APLP1: variants seen among roughly 807,000 people sequenced by gnomAD.
The protein encoded by APLP1 is amyloid beta (A4) precursor-like protein 1.
In APLP1, 46 loss-of-function variants were observed where a neutral mutation model predicts 84.5. The observed-to-expected ratio is 0.54, with a 90% CI of 0.43 to 0.70. The LOEUF is 0.70. APLP1 is among the 30% of genes least tolerant of loss of function. APLP1 has a pLI of 0.00. For missense variants in APLP1, 826 were observed against 900.2 expected (o/e 0.92, Z 1.05); for synonymous variants, 376 against 364.0 (o/e 1.03, Z -0.38).
rs531166569 is a variant in APLP1, at chr19:35,879,392, G to A, written c.1907G>A (p.Arg636Gln). 4.1e-5 allele frequency: 66 copies of A among 1,613,926 alleles called. 1 individual carries two copies. In the South Asian group the frequency reaches 6.9e-4, roughly 17 times the overall value. The change falls in exon 17 of 17, where the codon CGG becomes CAG. Residue 636 changes from arginine (R) to glutamine (Q), a missense_variant. By Grantham distance (43) the Arg-to-Gln change is conservative (BLOSUM62 1). Transcript: ENST00000221891. The part of the protein sequence containing the change: ...LEEQQLRELQ[R>Q]HGYENPTYRF... ...GAGCAGCAGCTCCGCGAACTGCAGCGGCACGGCTATGAGAACCCCACTTAC... is the reference window on the plus strand; with the variant it reads ...GAGCAGCAGCTCCGCGAACTGCAGCAGCACGGCTATGAGAACCCCACTTAC...
chr19:35,869,561 G>C (rs749070917), intron 1 of APLP1, 106 bp from the exon 2 acceptor site: 6 of 1,457,386 alleles, frequency 4.1e-6, no homozygotes, highest in Non-Finnish European at 5.7e-6. Context: ...GCGGTGCTTG[G>C]GGGAGGGGGC....
In APLP1 at chr19:35,868,694, C is replaced by T; in HGVS notation, c.58C>T (p.Leu20=). The change falls in exon 1 of 17, where the codon CTG becomes TTG. Residue 20 remains leucine, a synonymous_variant. Coordinates refer to ENST00000221891, the MANE Select transcript of APLP1 (RefSeq NM_001024807.3). This position sits in a 1 kb window ranked among gnomAD's most constrained non-coding sequence, Gnocchi z 5.2. ...GLSRRPGQPP[L]PLLLPLLLLL... is the part of the protein sequence containing the mutation. ...AAGTCGCCGCCCGGGCCAGCCGCCGCTGCCGCTGCTGCTGCCACTATTGCT... is the reference window on the plus strand; with the variant it reads ...AAGTCGCCGCCCGGGCCAGCCGCCGTTGCCGCTGCTGCTGCCACTATTGCT... The T allele has an allele frequency of 7.1e-7, 1 of 1,414,550 alleles. No individual in the cohort carries two copies. 87.6% of individuals were successfully genotyped at this position (1,414,550 alleles called of 1,614,324 possible).
chr19:35,869,995 C>T (rs1044491389), intron 2 of APLP1, among the ~76,000 whole-genome samples, 185 bp downstream of exon 2: 2 of 150,912 alleles, frequency 1.3e-5, no homozygotes, highest in South Asian at 4.2e-4. Context: ...GGGAGAGCCG[C>T]GAGATAGCCA....
chr19:35,878,201 C>T, intron 13 of APLP1, 93 bp downstream of exon 13: 1 of 1,362,758 alleles, frequency 7.3e-7, no homozygotes, highest in Non-Finnish European at 1.0e-6. Flanking sequence ...ACCTCAGACC[C>T]CCTGGGGTAG....
Position 35,879,787 on chromosome 19 carries a change from C to T in APLP1, c.*346C>T, listed in dbSNP as rs557054406. 100 of 242,146 alleles carry T rather than the reference C, an allele frequency of 4.1e-4. No homozygotes were observed. The highest frequency in any genetic ancestry group is 7.0e-4 in the Non-Finnish European group (88 of 125,328). The allele number at this position is 242,146 out of a possible 1,614,324, so 15.0% of individuals were successfully genotyped here. A position where few individuals can be genotyped will look rare whatever the true frequency, so the allele number is the denominator to read the frequency against. On this transcript the variant is annotated 3_prime_UTR_variant, in exon 17 of 17. Coordinates refer to ENST00000221891, the MANE Select transcript of APLP1 (RefSeq NM_001024807.3). ...TAACATCCCAATAAAGTCCTCTTCCCTACCAGGCCAGTCTGAGTCTCTGTG... is the reference window on the plus strand; with the variant it reads ...TAACATCCCAATAAAGTCCTCTTCCTTACCAGGCCAGTCTGAGTCTCTGTG...
chr19:35,878,626 T>A lies in APLP1; in HGVS notation c.1622T>A (p.Met541Lys). The A allele has an allele frequency of 6.2e-7, 1 of 1,613,844 alleles. No individual in the cohort carries two copies. Among genetic ancestry groups the A allele is most frequent in the Admixed American group, 1.7e-5 (1 of 59,984 alleles). Residue 541 changes from methionine to lysine, a missense_variant, in exon 14 of 17, where the codon ATG becomes AAG. Met to Lys is a moderately conservative substitution (Grantham distance 95). Coordinates refer to ENST00000221891, the MANE Select transcript of APLP1 (RefSeq NM_001024807.3). ...GCTGCATCCCCTGAGAAAGAGAAGATGAACCCGCTGGAACAGTATGAGCGA... is the reference window on the plus strand; with the variant it reads ...GCTGCATCCCCTGAGAAAGAGAAGAAGAACCCGCTGGAACAGTATGAGCGA... The part of the protein sequence containing the change: ...QDAASPEKEK[M>K]NPLEQYERKV...
intron 10 of APLP1, among the ~76,000 whole-genome samples, chr19:35,875,721 A>G (rs1378191191): frequency 2.0e-5 from 3 of 152,176 alleles, no homozygotes; most frequent in Non-Finnish European, 1.5e-5. Context: ...TTGGCCTCCC[A>G]AAGTGCTGGG....
In APLP1 at chr19:35,879,204, A is replaced by T. The variant is rs1406353936; in HGVS notation, c.1844A>T (p.His615Leu). ...AAGAAGCCCTACGGGGCTATCAGCC[A>T]TGGCGTGGTGGAGGTGAGAACCATG... ...RRKKPYGAIS[H>L]GVVEVDPMLT... Residue 615 changes from histidine (H) to leucine (L), a missense_variant, in exon 16 of 17, where the codon CAT becomes CTT. Transcript: ENST00000221891. The T allele has an allele frequency of 6.2e-7, 1 of 1,612,782 alleles. No individual in the cohort carries two copies. Among genetic ancestry groups the T allele is most frequent in the Non-Finnish European group, 8.5e-7 (1 of 1,179,874 alleles).
Position 35,872,576 on chromosome 19 carries a change from T to A in APLP1, c.944T>A (p.Met315Lys). The change falls in exon 7 of 17, where the codon ATG (methionine) becomes AAG (lysine). Residue 315 changes from methionine to lysine, a missense_variant. Coordinates refer to ENST00000221891, the MANE Select transcript of APLP1 (RefSeq NM_001024807.3). ...SEHEGFLRAK[M>K]DLEERRMRQI... ...CACGAGGGGTTCCTGAGGGCCAAGATGGACCTGGAGGAGCGTAGGATGCGC... is the reference window on the plus strand; with the variant it reads ...CACGAGGGGTTCCTGAGGGCCAAGAAGGACCTGGAGGAGCGTAGGATGCGC... 6.2e-7 allele frequency: 1 copy of A among 1,613,842 alleles called. No homozygotes were observed. The highest frequency in any genetic ancestry group is 1.1e-5 in the South Asian group (1 of 91,078).
At position 35,877,709 on chromosome 19, in the gene APLP1, C is replaced by A; in HGVS notation, c.1445-9C>A. 1 of 1,605,614 alleles carries A rather than the reference C, an allele frequency of 6.2e-7. No individual in the cohort carries two copies. Among genetic ancestry groups the A allele is most frequent in the African/African-American group, 1.3e-5 (1 of 74,782 alleles). On this transcript the variant is annotated splice_polypyrimidine_tract_variant and intron_variant, in intron 11 of 16. Transcript: ENST00000221891. ...CTACCTCAGCCACCTTTCTGCATGT[C>A]CCCCTCAGAGGAACTCCTCCACTCT...
At chr19:35,878,777 C>T (rs773447282) in intron 14 of APLP1, 113 bp from the exon 15 acceptor site, 9 of 1,533,746 alleles carry the variant, frequency 5.9e-6, no homozygotes, top group South Asian at 2.2e-5. Context: ...GAGCTGAGGA[C>T]GTGGAATTGA....
Position 35,874,442 on chromosome 19 carries a change from C to T in APLP1, c.1057-62C>T, listed in dbSNP as rs931968063. The T allele has an allele frequency of 1.3e-6, 2 of 1,594,668 alleles. No individual in the cohort carries two copies. The highest frequency in any genetic ancestry group is 1.7e-6 in the Non-Finnish European group (2 of 1,165,462). On this transcript the variant is annotated intron_variant, in intron 8 of 16. Coordinates refer to ENST00000221891, the MANE Select transcript of APLP1 (RefSeq NM_001024807.3). The surrounding 1 kb of genome is among the most constrained non-coding windows in gnomAD (Gnocchi z 6.4). ...CCATGTAGCCCTGCCTTTCCAGGCT[C>T]TCTTTGACCAGGCTTTGACCCATCT...
intron 1 of APLP1, 87 bp from the exon 2 acceptor site, chr19:35,869,580 G>T: frequency 3.9e-6 from 6 of 1,534,546 alleles, no homozygotes; most frequent in East Asian, 2.3e-5. Context: ...GCTGGTGCTG[G>T]GGGTCTCGGT....
In APLP1 at chr19:35,874,782, G is replaced by A. The variant is rs2228998; in HGVS notation, c.1257G>A (p.Ala419=). ...VLLALRRYLR[A]EQKEQRHTLR... ...TGGCCCTGCGGCGCTACCTGCGTGC[G>A]GAGCAGAAGGAACAGAGGCACACGC... Residue 419 remains alanine (A), a synonymous_variant, in exon 10 of 17, where the codon GCG becomes GCA. Coordinates refer to ENST00000221891, the MANE Select transcript of APLP1 (RefSeq NM_001024807.3). This position sits in a 1 kb window ranked among gnomAD's most constrained non-coding sequence, Gnocchi z 6.4. The A allele has an allele frequency of 2.4e-5, 38 of 1,613,482 alleles. No homozygotes were observed. Among genetic ancestry groups the A allele is most frequent in the Non-Finnish European group, 2.6e-5 (31 of 1,179,980 alleles).
At position 35,877,578 on chromosome 19, in the gene APLP1, C is replaced by T. The variant is rs556249457; in HGVS notation, c.1445-140C>T. ...GTGCCTCCATCCAGCTTCCCACTTT[C>T]TCAGATCACACTTCTGGCTACCCCA... is the stretch of plus-strand genomic sequence containing the variant. On this transcript the variant is annotated intron_variant, in intron 11 of 16. Coordinates refer to ENST00000221891, the MANE Select transcript of APLP1 (RefSeq NM_001024807.3). 27 of 580,258 alleles carry T rather than the reference C, an allele frequency of 4.7e-5. No homozygotes were observed. The South Asian group carries it at 4.9e-4, about 11-fold the overall frequency. The allele number at this position is 580,258 out of a possible 1,614,324, so 35.9% of individuals were successfully genotyped here.
At chr19:35,878,051 G>A (rs758082069) in intron 12 of APLP1, 31 bp from the exon 13 acceptor site, 2 of 1,609,682 alleles carry the variant, frequency 1.2e-6, no homozygotes, top group Admixed American at 1.7e-5. Context: ...TCTCTTCACT[G>A]TTCCACTCCC....
intron 6 of APLP1, 129 bp downstream of exon 6, chr19:35,872,165 G>C (rs1391559951): frequency 3.3e-6 from 4 of 1,216,874 alleles, no homozygotes. Context: ...AAAGACGAGA[G>C]TATCTTTGGA....
chr19:35,871,406 A>G, intron 4 of APLP1, 57 bp downstream of exon 4: 1 of 1,482,292 alleles, frequency 6.7e-7, no homozygotes, highest in Non-Finnish European at 9.3e-7. Flanking sequence ...TGGGACCTCT[A>G]ACACCCTCCG....
At chr19:35,878,427 T>G in intron 13 of APLP1, 157 bp from the exon 14 acceptor site, 1 of 727,198 alleles carries the variant, frequency 1.4e-6, no homozygotes, top group Admixed American at 2.5e-5. Flanking sequence ...ATGTCTGTAG[T>G]CCCAGCTGCT....
Sources: allele counts gnomAD v4.1 joint callset (sites outside exome capture counted in the v4.1 genomes callset), GRCh38; gene constraint gnomAD v4.1.1; non-coding constraint Gnocchi (gnomAD v3.1); transcripts MANE v1.5; gene names NCBI Gene and HGNC (gene_info 2026-07-23, HGNC 2026-07-21).